The following NECAB1 variants were observed in gnomAD, a reference collection of about 807,000 sequenced individuals.
NECAB1 encodes the protein N-terminal EF-hand calcium binding protein 1.
NECAB1 carries 29 observed loss-of-function variants against 57.5 expected under a neutral mutation model. The observed-to-expected ratio is 0.50, with a 90% CI of 0.38 to 0.69. The LOEUF is 0.69. NECAB1 is among the 30% of genes least tolerant of loss of function. The pLI, the probability that NECAB1 is intolerant of heterozygous loss-of-function variation, is 0.00. For missense variants in NECAB1, 372 were observed against 413.8 expected (o/e 0.90, Z 0.88); for synonymous variants, 142 against 147.7 (o/e 0.96, Z 0.28).
chr8:90,947,303 TACACACAC>T (rs71771328), intron 10 of NECAB1, among the ~76,000 whole-genome samples: 63 of 78,294 alleles, frequency 8.0e-4, no homozygotes, highest in South Asian at 1.8e-3. Flanking sequence ...TAACAACACA[TACACACAC>T]ACACACACAC....
chr8:90,903,728 T>C (rs1284923564), intron 5 of NECAB1: 2 of 152,202 alleles, frequency 1.3e-5, no homozygotes, highest in African/African-American at 4.8e-5. Context: ...GGATAGAATA[T>C]ATTTTTACAT....
At chr8:90,883,006 C>T (rs1393862752) in intron 5 of NECAB1, among the ~76,000 whole-genome samples, 1 of 152,020 alleles carries the variant, frequency 6.6e-6, no homozygotes, top group Non-Finnish European at 1.5e-5. Flanking sequence ...TTCCAGATTG[C>T]CTCTAATAGG....
At chr8:90,934,174 T>C in intron 8 of NECAB1, 130 bp from the exon 9 acceptor site, 2 of 638,424 alleles carry the variant, frequency 3.1e-6, no homozygotes, top group Non-Finnish European at 5.3e-6. Context: ...ATCAGTATTA[T>C]TTCATCTTTA....
At chr8:90,836,867 T>C (rs1400283059) in intron 3 of NECAB1, among the ~76,000 whole-genome samples, 1 of 152,238 alleles carries the variant, frequency 6.6e-6, no homozygotes, top group East Asian at 1.9e-4. Context: ...TACTGATGGA[T>C]AGAAAACTAT....
chr8:90,794,747 A>G (rs1811632967), intron 1 of NECAB1, among the ~76,000 whole-genome samples: 1 of 152,242 alleles, frequency 6.6e-6, no homozygotes, highest in Non-Finnish European at 1.5e-5. Flanking sequence ...CAAAGCAAAA[A>G]GTATTGCATA....
intron 7 of NECAB1, among the ~76,000 whole-genome samples, chr8:90,926,457 A>G (rs1467116579): frequency 2.0e-5 from 3 of 152,216 alleles, no homozygotes; most frequent in African/African-American, 7.2e-5. Context: ...TAAGGAAACA[A>G]GCCTGGGAAG....
intron 3 of NECAB1, among the ~76,000 whole-genome samples, chr8:90,864,447 C>A (rs1340311770): frequency 6.6e-6 from 1 of 151,988 alleles, no homozygotes; most frequent in Non-Finnish European, 1.5e-5. Context: ...AAATGTATGT[C>A]CCATGTGAGG....
rs1375542563 is a variant in NECAB1 at position 90,956,445 on chromosome 8, A to G, written c.*933A>G. ...GAAGTCATAAAATAGTAGTGAAAGT[A>G]TTAGACAGAAGACATCTGTTTTCGA... is the stretch of plus-strand genomic sequence containing the variant. On this transcript the variant is annotated 3_prime_UTR_variant, in exon 13 of 13. Coordinates refer to ENST00000417640, the MANE Select transcript of NECAB1 (RefSeq NM_022351.5). 4 of 151,930 alleles carry G rather than the reference A, an allele frequency of 2.6e-5. No homozygotes were observed. The highest frequency in any genetic ancestry group is 5.9e-5 in the Non-Finnish European group (4 of 67,908). 9.4% of individuals were successfully genotyped at this position (151,930 alleles called of 1,614,324 possible).
chr8:90,797,649 T>C (rs1811684677), intron 1 of NECAB1, among the ~76,000 whole-genome samples: 2 of 152,214 alleles, frequency 1.3e-5, no homozygotes, highest in Admixed American at 1.3e-4. Flanking sequence ...GCATCCTCTT[T>C]GGTACTGTAT....
intron 3 of NECAB1, among the ~76,000 whole-genome samples, chr8:90,843,666 G>A (rs192278495): frequency 1.0e-3 from 157 of 152,270 alleles, no homozygotes; most frequent in African/African-American, 3.0e-3. Context: ...GCTTCATTTC[G>A]CTTAAACAGA....
chr8:90,830,300 G>A (rs2129719861), intron 3 of NECAB1, among the ~76,000 whole-genome samples: 1 of 152,162 alleles, frequency 6.6e-6, no homozygotes, highest in South Asian at 2.1e-4. Context: ...GTCTTGGAAA[G>A]CAGTACCAAG....
chr8:90,947,306 ACACACACACAC>A lies in NECAB1; in HGVS notation c.861-2500_861-2490del, dbSNP rs1810830175. 6.5e-4 allele frequency among the ~76,000 whole-genome samples: 62 copies of A among 95,610 alleles called. 1 individual carries two copies. Among genetic ancestry groups the A allele is most frequent in the Admixed American group, 5.6e-3 (53 of 9,470 alleles). The allele number at this position is 95,610 out of a possible 152,430, so 62.7% of individuals were successfully genotyped here. A position where few individuals can be genotyped will look rare whatever the true frequency, so the allele number is the denominator to read the frequency against. ...TAGCTATTGGGCTAACAACACATAC[ACACACACACAC>A]ACACACACACACACACACACACACA... On this transcript the variant is annotated intron_variant, in intron 10 of 12. Coordinates refer to ENST00000417640, the MANE Select transcript of NECAB1 (RefSeq NM_022351.5).
At chr8:90,908,440 A>G (rs1809747738) in intron 5 of NECAB1, among the ~76,000 whole-genome samples, 2 of 152,136 alleles carry the variant, frequency 1.3e-5, no homozygotes, top group Non-Finnish European at 1.5e-5. Flanking sequence ...AGAAAAATGC[A>G]TGCTAGCAGT....
chr8:90,936,001 T>C (rs1217912748), intron 9 of NECAB1, among the ~76,000 whole-genome samples: 2 of 152,126 alleles, frequency 1.3e-5, no homozygotes, highest in African/African-American at 4.8e-5. Context: ...ACATAAAAAT[T>C]TGAATTGGTT....
intron 2 of NECAB1, among the ~76,000 whole-genome samples, chr8:90,807,531 G>A (rs1055084035): frequency 2.0e-5 from 3 of 152,130 alleles, no homozygotes; most frequent in Admixed American, 2.0e-4. Context: ...GCCCTTTGAT[G>A]TGAGCTATTC....
chr8:90,848,693 C>T (rs1812616122), intron 3 of NECAB1, among the ~76,000 whole-genome samples: 1 of 152,136 alleles, frequency 6.6e-6, no homozygotes, highest in African/African-American at 2.4e-5. Flanking sequence ...TTTATAAAAC[C>T]ATCAGATCAG....
chr8:90,858,042 A>G (rs563610396), intron 3 of NECAB1, among the ~76,000 whole-genome samples: 3 of 152,198 alleles, frequency 2.0e-5, no homozygotes, highest in Admixed American at 6.5e-5. Flanking sequence ...GCTTCACACA[A>G]TGCAGAAACT....
At chr8:90,888,335 T>C (rs924617125) in intron 5 of NECAB1, among the ~76,000 whole-genome samples, 1 of 152,196 alleles carries the variant, frequency 6.6e-6, no homozygotes, top group Non-Finnish European at 1.5e-5. Context: ...TGAGTGAACA[T>C]ACAGCCCCAT....
chr8:90,940,121 T>C (rs1256571143), intron 9 of NECAB1: 1 of 152,250 alleles, frequency 6.6e-6, no homozygotes, highest in Non-Finnish European at 1.5e-5. Context: ...TAATAGGATT[T>C]GTTACAGGAA....
Sources: gnomAD v4.1 joint callset for allele counts (sites outside exome capture counted in the v4.1 genomes callset) on GRCh38, gnomAD v4.1.1 for gene constraint, MANE v1.5 for transcripts, NCBI Gene and HGNC (gene_info 2026-07-23, HGNC 2026-07-21) for gene names.